PLBD2: variants seen among roughly 807,000 people sequenced by gnomAD.
PLBD2 encodes phospholipase B domain containing 2, also known as putative aminopeptidase PLBD2.
Under a neutral mutation model 68.3 loss-of-function variants are expected in PLBD2, and 51 were observed. That is an observed-to-expected ratio of 0.75 (90% CI 0.60 to 0.94). PLBD2 has a LOEUF of 0.94. Among genes scored for constraint, PLBD2 ranks in the 40% least tolerant of loss-of-function variants. PLBD2 has a pLI of 0.00. For synonymous variants in PLBD2, 314 were observed against 339.3 expected (o/e 0.93, Z 0.82); for missense variants, 729 against 792.2 (o/e 0.92, Z 0.96).
intron 11 of PLBD2, 104 bp from the exon 12 acceptor site, chr12:113,388,355 A>C: frequency 1.8e-6 from 2 of 1,130,154 alleles, no homozygotes; most frequent in Non-Finnish European, 2.4e-6. Context: ...AAAAAGTGAC[A>C]GTTCAGAATT....
chr12:113,375,034 G>T, intron 5 of PLBD2, 27 bp downstream of exon 5: 1 of 1,608,674 alleles, frequency 6.2e-7, no homozygotes, highest in Non-Finnish European at 8.5e-7. Flanking sequence ...GTGTCTGGGG[G>T]ATGAGCAGGT....
At position 113,362,875 on chromosome 12, in the gene PLBD2, C is replaced by G. The variant is rs188777637; in HGVS notation, c.290+3985C>G. Among the ~76,000 whole-genome samples the G allele has an allele frequency of 2.6e-4, 39 of 151,860 alleles. 1 individual carries two copies. The highest frequency in any genetic ancestry group is 9.4e-4 in the African/African-American group (39 of 41,444). On this transcript the variant is annotated intron_variant, in intron 1 of 11. Coordinates refer to ENST00000280800, the MANE Select transcript of PLBD2 (RefSeq NM_173542.4). ...TCTTGGCTCATTGCAACCTCCGCCT[C>G]CTGGGTTCAAGTGATCTTCCTGCCT...
intron 6 of PLBD2, among the ~76,000 whole-genome samples, chr12:113,381,759 A>G (rs960865017): frequency 6.6e-6 from 1 of 152,198 alleles, no homozygotes; most frequent in Admixed American, 6.5e-5. Context: ...TGCCATAAAC[A>G]CCTTGGGCAG....
In PLBD2 at chr12:113,384,307, G is replaced by T; in HGVS notation, c.1118+42G>T. ...CCCTGTGGCTTCCCCTGCACCAAGA[G>T]ATAGACCAACCTCCCCTTTAACACT... On this transcript the variant is annotated intron_variant, in intron 7 of 11. Transcript: ENST00000280800. This position sits in a 1 kb window ranked among gnomAD's most constrained non-coding sequence, Gnocchi z 4.2. The T allele has an allele frequency of 6.4e-7, 1 of 1,574,094 alleles. No individual in the cohort carries two copies.
At chr12:113,371,462 T>C (rs1025288014) in intron 2 of PLBD2, among the ~76,000 whole-genome samples, 3 of 152,222 alleles carry the variant, frequency 2.0e-5, no homozygotes, top group African/African-American at 7.2e-5. Context: ...CTCACACTGC[T>C]CCTTCTGACA....
intron 6 of PLBD2, 131 bp downstream of exon 6, chr12:113,380,973 A>G: frequency 1.2e-6 from 1 of 843,752 alleles, no homozygotes; most frequent in Non-Finnish European, 1.9e-6. Context: ...TGTAGGAGCC[A>G]GGGGTGCAGT....
Position 113,371,046 on chromosome 12 carries a change from C to T in PLBD2, c.385-1603C>T, listed in dbSNP as rs146431658. Among the ~76,000 whole-genome samples the T allele has an allele frequency of 9.2e-5, 14 of 152,240 alleles. No homozygotes were observed. The East Asian group carries it at 1.5e-3, about 17-fold the overall frequency. On this transcript the variant is annotated intron_variant, in intron 2 of 11. Transcript: ENST00000280800. ...ACTCCAGCCTTGTGACAGAATGAGACCTTGTCTCAAAAAAATGAAACAAAA... is the reference window on the plus strand; with the variant it reads ...ACTCCAGCCTTGTGACAGAATGAGATCTTGTCTCAAAAAAATGAAACAAAA...
chr12:113,363,319 C>T (rs1002180055), intron 1 of PLBD2, among the ~76,000 whole-genome samples: 7 of 151,926 alleles, frequency 4.6e-5, no homozygotes, highest in Non-Finnish European at 8.8e-5. Flanking sequence ...GCCTGTAGTT[C>T]CAGCTACTCA....
At position 113,358,697 on chromosome 12, in the gene PLBD2, C is replaced by T; in HGVS notation, c.97C>T (p.Pro33Ser). The change falls in exon 1 of 12, where the codon CCG (proline) becomes TCG (serine). Residue 33 changes from proline to serine, a missense_variant. Physicochemically the swap from Pro to Ser is moderately conservative, Grantham distance 74. Transcript: ENST00000280800. ...LALVLALLVG[P>S]FLSGLAGAIP... ...CCTGGTGCTGGCCCTGCTGGTCGGG[C>T]CGTTCCTGAGCGGCCTGGCGGGGGC... 7.1e-7 allele frequency: 1 copy of T among 1,417,984 alleles called. No homozygotes were observed. The highest frequency in any genetic ancestry group is 1.5e-5 in the South Asian group (1 of 65,394). The allele number at this position is 1,417,984 out of a possible 1,614,324, so 87.8% of individuals were successfully genotyped here.
intron 5 of PLBD2, among the ~76,000 whole-genome samples, chr12:113,379,290 A>G (rs919409193): frequency 4.1e-5 from 6 of 147,052 alleles, no homozygotes; most frequent in African/African-American, 1.5e-4. Flanking sequence ...CCTGGGCAAC[A>G]GAGCAAGACT....
At chr12:113,364,677 G>A (rs1275870652) in intron 1 of PLBD2, among the ~76,000 whole-genome samples, 1 of 151,924 alleles carries the variant, frequency 6.6e-6, no homozygotes, top group Non-Finnish European at 1.5e-5. Context: ...GTCCAGGCTG[G>A]TCTCTTACTC....
intron 5 of PLBD2, among the ~76,000 whole-genome samples, chr12:113,379,734 A>G (rs1323367981): frequency 6.6e-6 from 1 of 151,476 alleles, no homozygotes; most frequent in Non-Finnish European, 1.5e-5. Context: ...AGCGCTTACA[A>G]CTGGGAGGTG....
At chr12:113,366,707 A>G (rs1957344961) in intron 1 of PLBD2, among the ~76,000 whole-genome samples, 1 of 151,700 alleles carries the variant, frequency 6.6e-6, no homozygotes, top group Non-Finnish European at 1.5e-5. Context: ...CCTGGCCTCA[A>G]GTGATGCTCC....
intron 9 of PLBD2, 36 bp from the exon 10 acceptor site, chr12:113,386,901 G>C (rs766246824): frequency 2.5e-6 from 4 of 1,606,462 alleles, no homozygotes; most frequent in Non-Finnish European, 3.4e-6. Flanking sequence ...AGTGAGGCCA[G>C]TGGGGGTCAT....
chr12:113,386,996 A>T lies in PLBD2; in HGVS notation c.1346A>T (p.Asp449Val). The change falls in exon 10 of 12, where the codon GAC (aspartate) becomes GTC (valine). Residue 449 changes from aspartate (D) to valine (V), a missense_variant. Coordinates refer to ENST00000280800, the MANE Select transcript of PLBD2 (RefSeq NM_173542.4). The part of the protein sequence containing the change: ...GLQALVAQYG[D>V]WFSYDGSPRA... ...CAGGCCCTAGTGGCCCAGTATGGGG[A>T]CTGGTTTTCTTATGACGGGAGCCCC... The T allele has an allele frequency of 1.2e-6, 2 of 1,612,322 alleles. No homozygotes were observed. Among genetic ancestry groups the T allele is most frequent in the Non-Finnish European group, 1.7e-6 (2 of 1,179,366 alleles).
intron 9 of PLBD2, among the ~76,000 whole-genome samples, chr12:113,386,313 C>T (rs1328922314): frequency 6.6e-6 from 1 of 151,004 alleles, no homozygotes; most frequent in East Asian, 2.0e-4. Context: ...CTCAGCCTCC[C>T]AAGTAGCTGG....
chr12:113,376,163 ATTT>A (rs34142556), intron 5 of PLBD2, among the ~76,000 whole-genome samples: 2 of 115,264 alleles, frequency 1.7e-5, no homozygotes. Context: ...TTGACACAGC[ATTT>A]TTTTTTTTTT....
chr12:113,358,884 AG>A lies in PLBD2; in HGVS notation c.285del (p.Thr96LeufsTer40), dbSNP rs1957261008. The A allele has an allele frequency of 6.6e-7, 1 of 1,522,830 alleles. No homozygotes were observed. The highest frequency in any genetic ancestry group is 8.8e-7 in the Non-Finnish European group (1 of 1,137,580). The allele number at this position is 1,522,830 out of a possible 1,614,324, so 94.3% of individuals were successfully genotyped here. ...GCCAACCTCACCAACGCCATCCGCG[AG>A]ACTGGGTAAGGGTTGGCTTATCCCC... ...AWANLTNAIRETGWAFLELGT... is the reference protein window; with the variant it reads ...AWANLTNAIRXTGWAFLELGT... On this transcript the variant is annotated frameshift_variant, in exon 1 of 12. Transcript: ENST00000280800. LOFTEE classifies it high-confidence loss of function.
rs750718060 is a variant in PLBD2 at position 113,387,023 on chromosome 12, G to A, written c.1373G>A (p.Arg458Gln). The A allele has an allele frequency of 8.9e-5, 144 of 1,611,918 alleles. No individual in the cohort carries two copies. Among genetic ancestry groups the A allele is most frequent in the Non-Finnish European group, 1.2e-4 (136 of 1,179,244 alleles). Residue 458 changes from arginine to glutamine, a missense_variant, in exon 10 of 12, where the codon CGG becomes CAG. Coordinates refer to ENST00000280800, the MANE Select transcript of PLBD2 (RefSeq NM_173542.4). ...GDWFSYDGSP[R>Q]AQIFRRNQSL... ...TGGTTTTCTTATGACGGGAGCCCCCGGGCCCAGATCTTCCGGCGGAACCAG... is the reference window on the plus strand; with the variant it reads ...TGGTTTTCTTATGACGGGAGCCCCCAGGCCCAGATCTTCCGGCGGAACCAG...
Sources: gnomAD v4.1 joint callset for allele counts (sites outside exome capture counted in the v4.1 genomes callset) on GRCh38, gnomAD v4.1.1 for gene constraint, Gnocchi (gnomAD v3.1) non-coding constraint, MANE v1.5 for transcripts, NCBI Gene and HGNC (gene_info 2026-07-23, HGNC 2026-07-21) for gene names.